The following DLGAP1 variants were observed in gnomAD, a reference collection of about 807,000 sequenced individuals.
DLGAP1 encodes DLG associated protein 1, also known as disks large-associated protein 1.
In DLGAP1, 11 loss-of-function variants were observed where a neutral mutation model predicts 90.8. That is an observed-to-expected ratio of 0.12 (90% CI 0.08 to 0.20). The LOEUF (loss-of-function observed/expected upper bound fraction) is 0.20, where lower values mean the gene tolerates loss of function less well. Among genes scored for constraint, DLGAP1 ranks in the 10% least tolerant of loss-of-function variants. DLGAP1 has a pLI of 1.00. For synonymous variants in DLGAP1, 558 were observed against 540.7 expected, an observed-to-expected ratio of 1.03 and a Z score of -0.44; for missense variants, 1,050 against 1,333.8, an observed-to-expected ratio of 0.79 and a Z score of 3.31.
chr18:4,086,563 T>A (rs1026318377), intron 2 of DLGAP1, among the ~76,000 whole-genome samples: 1 of 152,188 alleles, frequency 6.6e-6, no homozygotes. Context: ...TTTTAATGGG[T>A]TACTCAGCAC....
intron 2 of DLGAP1, among the ~76,000 whole-genome samples, chr18:4,083,697 G>A (rs35992212): frequency 0.21 from 32,230 of 152,090 alleles, 4,264 homozygotes; most frequent in Non-Finnish European, 0.31. Flanking sequence ...GTGATGGGGT[G>A]TGGCTTGCTT....
At position 4,369,918 on chromosome 18, in the gene DLGAP1, G is replaced by C. The variant is rs114647085; in HGVS notation, c.-267+85088C>G. ...TGGACACACAAAGGGCCAGGAAGGG[G>C]ACCCAGCTGGAGCAGCCTGGAGGAG... On this transcript the variant is annotated intron_variant, in intron 1 of 12. Transcript: ENST00000315677. 6.9e-3 allele frequency among the ~76,000 whole-genome samples: 1,047 copies of C among 151,994 alleles called. 15 individuals carry two copies. Among genetic ancestry groups the C allele is most frequent in the African/African-American group, 0.024 (1,001 of 41,448 alleles).
intron 1 of DLGAP1, among the ~76,000 whole-genome samples, chr18:4,202,577 G>A (rs1353470146): frequency 6.6e-6 from 1 of 152,066 alleles, no homozygotes; most frequent in Non-Finnish European, 1.5e-5. Context: ...AACACATTAT[G>A]GCAAGCCAGG....
At chr18:3,583,267 T>C (rs1460472358) in intron 7 of DLGAP1, among the ~76,000 whole-genome samples, 1 of 149,822 alleles carries the variant, frequency 6.7e-6, no homozygotes, top group African/African-American at 2.5e-5. Context: ...CCCACCTCCT[T>C]CCCTTCTTTC....
Position 4,379,716 on chromosome 18 carries a change from T to C in DLGAP1, c.-267+75290A>G, listed in dbSNP as rs145866358. On this transcript the variant is annotated intron_variant, in intron 1 of 12. Transcript: ENST00000315677. ...TGTATTTCTTCAATAGTTTCTATAA[T>C]TGGAGCACTCCAGTAGGCATTCCAG... is the stretch of plus-strand genomic sequence containing the variant. Among the ~76,000 whole-genome samples the C allele has an allele frequency of 6.5e-3, 996 of 152,268 alleles. 12 individuals carry two copies. Among genetic ancestry groups the C allele is most frequent in the African/African-American group, 0.023 (955 of 41,562 alleles).
intron 1 of DLGAP1, among the ~76,000 whole-genome samples, chr18:4,447,904 A>G (rs1001879049): frequency 2.6e-5 from 4 of 152,278 alleles, no homozygotes; most frequent in Admixed American, 1.3e-4. Flanking sequence ...GTCACTGCCT[A>G]TTCAGAATCT....
At chr18:3,687,695 C>T (rs1393112640) in intron 7 of DLGAP1, among the ~76,000 whole-genome samples, 1 of 151,998 alleles carries the variant, frequency 6.6e-6, no homozygotes, top group Non-Finnish European at 1.5e-5. Context: ...CAATAACTTG[C>T]AAAAGTGTAT....
intron 1 of DLGAP1, among the ~76,000 whole-genome samples, chr18:4,194,913 T>C (rs533620890): frequency 6.6e-6 from 1 of 152,200 alleles, no homozygotes; most frequent in Non-Finnish European, 1.5e-5. Context: ...CTCCCTCACC[T>C]ATCATTTGTG....
At chr18:3,564,877 G>C (rs1426740378) in intron 9 of DLGAP1, among the ~76,000 whole-genome samples, 1 of 152,202 alleles carries the variant, frequency 6.6e-6, no homozygotes, top group Non-Finnish European at 1.5e-5. Flanking sequence ...GATATACAAA[G>C]AGATGTTGAT....
intron 5 of DLGAP1, among the ~76,000 whole-genome samples, chr18:3,763,015 T>G (rs1169265708): frequency 1.3e-5 from 2 of 152,166 alleles, no homozygotes. Flanking sequence ...GGTGTGATGG[T>G]TAATATTGAG....
chr18:4,309,817 T>G (rs1310161311), intron 1 of DLGAP1, among the ~76,000 whole-genome samples: 1 of 152,166 alleles, frequency 6.6e-6, no homozygotes, highest in Non-Finnish European at 1.5e-5. Flanking sequence ...GGGGCATTAA[T>G]AGTCAAAGAG....
chr18:3,527,566 G>GT (rs199692141), intron 10 of DLGAP1, among the ~76,000 whole-genome samples: 3 of 151,122 alleles, frequency 2.0e-5, no homozygotes, highest in South Asian at 2.1e-4. Flanking sequence ...TGTTTTTTTA[G>GT]TTTTTTTTGT....
chr18:3,821,782 A>T, intron 4 of DLGAP1: 1 of 453,880 alleles, frequency 2.2e-6, no homozygotes, highest in Non-Finnish European at 2.9e-6. Flanking sequence ...AGCATTTGTA[A>T]GAAGGCTCCA....
intron 1 of DLGAP1, among the ~76,000 whole-genome samples, chr18:4,433,593 A>G (rs1248772245): frequency 6.6e-6 from 1 of 152,190 alleles, no homozygotes; most frequent in East Asian, 1.9e-4. Flanking sequence ...AGCTGCCCTC[A>G]TGGACCTCAC....
At chr18:4,346,954 G>A (rs1178115101) in intron 1 of DLGAP1, among the ~76,000 whole-genome samples, 1 of 151,614 alleles carries the variant, frequency 6.6e-6, no homozygotes, top group African/African-American at 2.4e-5. Flanking sequence ...CAAACCATTG[G>A]TAACCTTGAT....
At chr18:3,961,318 C>T (rs914904891) in intron 3 of DLGAP1, among the ~76,000 whole-genome samples, 1 of 152,188 alleles carries the variant, frequency 6.6e-6, no homozygotes, top group Non-Finnish European at 1.5e-5. Flanking sequence ...AAAGCTCCCA[C>T]CTTTTCCTCC....
rs116505410 is a variant in DLGAP1, at chr18:3,785,796, G to A, written c.1172+28263C>T. Reference sequence around the variant, plus strand: ...GTTCCCAGGTGGATAAGAGAATACCGAAGAAAAGCTTCGCCCTATGCCTTA... The same window carrying A: ...GTTCCCAGGTGGATAAGAGAATACCAAAGAAAAGCTTCGCCCTATGCCTTA... On this transcript the variant is annotated intron_variant, in intron 5 of 12. Coordinates refer to ENST00000315677, the MANE Select transcript of DLGAP1 (RefSeq NM_004746.4). Among the ~76,000 whole-genome samples the A allele has an allele frequency of 7.8e-3, 1,187 of 152,268 alleles. 14 individuals carry two copies. The highest frequency in any genetic ancestry group is 0.028 in the African/African-American group (1,143 of 41,544).
chr18:3,499,341 C>T lies in DLGAP1; in HGVS notation c.2778G>A (p.Pro926=), dbSNP rs1283943423. ...TCTCCAGCGAGCGCTCCCGGATCAG[C>T]GGCGCGGGGCCCTTCGCCGGCTTCT... The part of the protein sequence containing the change: ...VPKKPAKGPA[P]LIRERSLESS... The change falls in exon 13 of 13, where the codon CCG becomes CCA. Residue 926 remains proline (P), a synonymous_variant. Coordinates refer to ENST00000315677, the MANE Select transcript of DLGAP1 (RefSeq NM_004746.4). This position sits in a 1 kb window ranked among gnomAD's most constrained non-coding sequence, Gnocchi z 6.4. 2 of 1,557,650 alleles carry T rather than the reference C, an allele frequency of 1.3e-6. No homozygotes were observed. Among genetic ancestry groups the T allele is most frequent in the African/African-American group, 1.4e-5 (1 of 73,220 alleles).
At chr18:4,248,245 A>C (rs1447119170) in intron 1 of DLGAP1, among the ~76,000 whole-genome samples, 1 of 152,202 alleles carries the variant, frequency 6.6e-6, no homozygotes, top group Non-Finnish European at 1.5e-5. Flanking sequence ...CTGACTTTAA[A>C]GCTCAAAGGA....
Sources: gnomAD v4.1 joint callset for allele counts (sites outside exome capture counted in the v4.1 genomes callset) on GRCh38, gnomAD v4.1.1 for gene constraint, Gnocchi (gnomAD v3.1) non-coding constraint, MANE v1.5 for transcripts, NCBI Gene and HGNC (gene_info 2026-07-23, HGNC 2026-07-21) for gene names.